Variants in ACLY observed in about 807,000 individuals in gnomAD.
ACLY encodes the protein ATP citrate lyase, also known as ATP-citrate synthase.
In ACLY, 41 loss-of-function variants were observed where a neutral mutation model predicts 133.0. That is an observed-to-expected ratio of 0.31 (90% CI 0.24 to 0.40). The LOEUF is 0.40. Ranked by LOEUF, ACLY falls within the 10% of genes least tolerant of loss-of-function variation. The pLI is 1.00. For synonymous variants in ACLY, 495 were observed against 549.3 expected (o/e 0.90, Z 1.38); for missense variants, 1,046 against 1,453.8 (o/e 0.72, Z 4.56).
intron 20 of ACLY, among the ~76,000 whole-genome samples, chr17:41,882,516 G>C (rs1388735338): frequency 2.0e-5 from 3 of 151,886 alleles, no homozygotes; most frequent in African/African-American, 7.3e-5. Flanking sequence ...GTGGTAAAGG[G>C]TTCTCTAAGC....
chr17:41,926,732 G>A (rs1598059643), intron 1 of ACLY, among the ~76,000 whole-genome samples: 1 of 151,826 alleles, frequency 6.6e-6, no homozygotes, highest in African/African-American at 2.4e-5. Context: ...CAGGTGATCC[G>A]CCCGCCTCGG....
At chr17:41,890,700 A>AT (rs202026553) in intron 16 of ACLY, among the ~76,000 whole-genome samples, 5 of 150,242 alleles carry the variant, frequency 3.3e-5, no homozygotes, top group African/African-American at 9.8e-5. Context: ...AAAAAAAAAA[A>AT]TTTTTTTTAA....
chr17:41,927,718 T>C (rs2050259984), intron 1 of ACLY, among the ~76,000 whole-genome samples: 2 of 151,260 alleles, frequency 1.3e-5, no homozygotes, highest in South Asian at 4.2e-4. Flanking sequence ...CCCTGCTACT[T>C]GGGAGGCGGA....
At chr17:41,869,674 G>T in intron 25 of ACLY, 87 bp from the exon 26 acceptor site, 1 of 1,150,472 alleles carries the variant, frequency 8.7e-7, no homozygotes, top group Non-Finnish European at 1.3e-6. Flanking sequence ...AGGTAGAACT[G>T]GACATATCCC....
chr17:41,916,418 G>A (rs28687610), intron 1 of ACLY, among the ~76,000 whole-genome samples: 1 of 151,072 alleles, frequency 6.6e-6, no homozygotes, highest in African/African-American at 2.4e-5. Context: ...CTGTCGCCCA[G>A]GCTGGCGTGC....
intron 2 of ACLY, among the ~76,000 whole-genome samples, chr17:41,913,311 T>A (rs1555633956): frequency 1.3e-5 from 2 of 152,250 alleles, no homozygotes; most frequent in African/African-American, 4.8e-5. Context: ...ACATCCCTAC[T>A]TTTTACTGAG....
chr17:41,906,985 T>C (rs1334167885), intron 7 of ACLY, among the ~76,000 whole-genome samples: 5 of 151,424 alleles, frequency 3.3e-5, no homozygotes, highest in African/African-American at 1.2e-4. Context: ...CCATCACACG[T>C]CCCCCCAACC....
In ACLY at chr17:41,880,579, A is replaced by C. The variant is rs2048886499; in HGVS notation, c.2266-1655T>G. 1.3e-5 allele frequency among the ~76,000 whole-genome samples: 2 copies of C among 152,112 alleles called. 1 individual carries two copies. Among genetic ancestry groups the C allele is most frequent in the South Asian group, 4.1e-4 (2 of 4,826 alleles). ...GATGAATTATTTAAAAAACAAAACT[A>C]AAGGGCTGGGCGCAGTGGTTCACGC... On this transcript the variant is annotated intron_variant, in intron 20 of 28. Coordinates refer to ENST00000352035, the MANE Select transcript of ACLY (RefSeq NM_001096.3).
intron 9 of ACLY, among the ~76,000 whole-genome samples, chr17:41,905,039 C>T (rs1195789890): frequency 1.3e-5 from 2 of 152,120 alleles, no homozygotes; most frequent in Admixed American, 6.6e-5. Flanking sequence ...AACCAACATC[C>T]AAAAATCCAG....
At chr17:41,884,410 GC>G in intron 18 of ACLY, 136 bp from the exon 19 acceptor site, 1 of 620,214 alleles carries the variant, frequency 1.6e-6, no homozygotes. Context: ...GTCCAGAGAT[GC>G]CCCAGCAATA....
chr17:41,909,424 A>G, intron 5 of ACLY, 86 bp downstream of exon 5: 1 of 1,448,508 alleles, frequency 6.9e-7, no homozygotes, highest in South Asian at 1.3e-5. Flanking sequence ...CAGAGAGGAG[A>G]CCGCTCTGCT....
rs782705078 is a variant in ACLY at position 41,904,779 on chromosome 17, T to C, written c.1015A>G (p.Ile339Val). Residue 339 changes from isoleucine to valine, a missense_variant, in exon 10 of 29, where the codon ATC becomes GTC. Around this residue, in one of 4 missense-constraint regions of ACLY, gnomAD observed 575 missense variants for 804.2 expected, o/e 0.71. Transcript: ENST00000352035. ...AAGTTTGCGATGCTGCCTCCAATGA[T>C]GAGGATCTTGCCTGGATTTGGAGTA... ...REKHPDGKILIIGGSIANFTN... is the reference protein window; with the variant it reads ...REKHPDGKILVIGGSIANFTN... 44 of 1,613,480 alleles carry C rather than the reference T, an allele frequency of 2.7e-5. No homozygotes were observed. The highest frequency in any genetic ancestry group is 3.6e-5 in the Non-Finnish European group (42 of 1,179,548).
At chr17:41,898,906 C>T (rs893278439) in intron 11 of ACLY, 121 bp from the exon 12 acceptor site, 107 of 967,824 alleles carry the variant, frequency 1.1e-4, no homozygotes, top group Middle Eastern at 6.3e-4. Flanking sequence ...AGTGCAAGAC[C>T]AATATCCAGG....
chr17:41,880,756 C>G (rs1294708637), intron 20 of ACLY, among the ~76,000 whole-genome samples: 1 of 151,858 alleles, frequency 6.6e-6, no homozygotes, highest in Non-Finnish European at 1.5e-5. Context: ...ATCCCAACTA[C>G]TTGGGAGGCT....
At chr17:41,914,619 CT>C (rs2050001015) in intron 1 of ACLY, among the ~76,000 whole-genome samples, 1 of 152,180 alleles carries the variant, frequency 6.6e-6, no homozygotes, top group Non-Finnish European at 1.5e-5. Flanking sequence ...GGAAACCGAC[CT>C]TTAGCACATT....
chr17:41,919,711 CCAGA>C (rs1198256900), upstream of ACLY, among the ~76,000 whole-genome samples: 9 of 152,312 alleles, frequency 5.9e-5, no homozygotes, highest in African/African-American at 1.7e-4. Context: ...TGGAGCCATC[CCAGA>C]CAGTCTCTTG....
At chr17:41,896,352 T>C (rs1555630350) in intron 14 of ACLY, among the ~76,000 whole-genome samples, 2 of 152,116 alleles carry the variant, frequency 1.3e-5, no homozygotes, top group Admixed American at 1.3e-4. Flanking sequence ...CTCTTGCTCC[T>C]TCCAAAATCT....
chr17:41,909,672 G>T lies in ACLY; in HGVS notation c.374C>A (p.Ala125Asp), dbSNP rs557192131. The part of the protein sequence containing the change: ...QAEEFYVCIY[A>D]TREGDYVLFH... ...CAGGACGTAGTCCCCTTCTCGGGTGGCATAGATGCAGACATAGAACTCCTC... is the reference window on the plus strand; with the variant it reads ...CAGGACGTAGTCCCCTTCTCGGGTGTCATAGATGCAGACATAGAACTCCTC... Residue 125 changes from alanine to aspartate, a missense_variant, in exon 5 of 29, where the codon GCC becomes GAC. Physicochemically the swap from Ala to Asp is moderately radical, Grantham distance 126 (BLOSUM62 -2). This residue lies in a region of ACLY where 227 missense variants were observed against 245.6 expected (regional missense o/e 0.92). Coordinates refer to ENST00000352035, the MANE Select transcript of ACLY (RefSeq NM_001096.3). 1 of 1,614,008 alleles carries T rather than the reference G, an allele frequency of 6.2e-7. No homozygotes were observed.
intron 28 of ACLY, 123 bp downstream of exon 28, chr17:41,868,586 C>A (rs2048521249): frequency 1.2e-5 from 7 of 599,124 alleles, no homozygotes; most frequent in African/African-American, 4.1e-5. Context: ...GAAACTGAAC[C>A]ACAAAAAGAA....
Sources: gnomAD v4.1 joint callset for allele counts (sites outside exome capture counted in the v4.1 genomes callset) on GRCh38, gnomAD v4.1.1 for gene constraint, gnomAD v4.1.1 regional missense constraint, MANE v1.5 for transcripts, NCBI Gene and HGNC (gene_info 2026-07-23, HGNC 2026-07-21) for gene names.